Variants in CPA6 observed in about 807,000 individuals in gnomAD.
The protein encoded by CPA6 is carboxypeptidase A6, also known as carboxypeptidase B.
CPA6 carries 58 observed loss-of-function variants against 63.3 expected under a neutral mutation model. That is an observed-to-expected ratio of 0.92 (90% CI 0.74 to 1.14). CPA6 has a LOEUF of 1.14. Among genes scored for constraint, CPA6 ranks in the 50% most tolerant of loss-of-function variants. CPA6 has a pLI of 0.00. For missense variants in CPA6, 565 were observed against 526.6 expected, an observed-to-expected ratio of 1.07 and a Z score of -0.71; for synonymous variants, 185 against 179.0, an observed-to-expected ratio of 1.03 and a Z score of -0.27.
rs187492480 is a variant in CPA6, at chr8:67,699,508, C to T, written c.116+46506G>A. ...GCAAATAAATAAATAAATAAATAAA[C>T]AAACAAACAAACATTTACATGCAAT... On this transcript the variant is annotated intron_variant, in intron 1 of 10. Coordinates refer to ENST00000297770, the MANE Select transcript of CPA6 (RefSeq NM_020361.5). Among the ~76,000 whole-genome samples the T allele has an allele frequency of 1.0e-3, 155 of 151,446 alleles. 1 individual carries two copies. Among genetic ancestry groups the T allele is most frequent in the Non-Finnish European group, 1.8e-3 (119 of 67,880 alleles).
intron 2 of CPA6, among the ~76,000 whole-genome samples, chr8:67,616,974 T>C (rs1416849876): frequency 2.6e-5 from 4 of 152,320 alleles, no homozygotes; most frequent in Admixed American, 1.3e-4. Context: ...AACCTTCAGC[T>C]GTCCTCAGGA....
intron 1 of CPA6, among the ~76,000 whole-genome samples, chr8:67,704,151 C>T (rs1034476790): frequency 6.6e-6 from 1 of 152,190 alleles, no homozygotes; most frequent in Non-Finnish European, 1.5e-5. Flanking sequence ...ATTCCTCTTG[C>T]TTCTTCCCAC....
chr8:67,719,362 G>A (rs774320832), intron 1 of CPA6, among the ~76,000 whole-genome samples: 3 of 152,122 alleles, frequency 2.0e-5, no homozygotes, highest in Non-Finnish European at 4.4e-5. Context: ...AGGGAATGGG[G>A]TGTGGGCATG....
At chr8:67,608,561 T>C (rs1814726311) in intron 2 of CPA6, among the ~76,000 whole-genome samples, 2 of 152,150 alleles carry the variant, frequency 1.3e-5, no homozygotes, top group African/African-American at 4.8e-5. Flanking sequence ...CTGTGTGACC[T>C]GATTCTTCCT....
At chr8:67,612,937 G>A (rs1814848918) in intron 2 of CPA6, among the ~76,000 whole-genome samples, 1 of 152,192 alleles carries the variant, frequency 6.6e-6, no homozygotes, top group African/African-American at 2.4e-5. Context: ...GAGCACCTGA[G>A]CTCTGACTTT....
intron 2 of CPA6, among the ~76,000 whole-genome samples, chr8:67,599,096 T>C (rs1465989729): frequency 6.6e-6 from 1 of 152,210 alleles, no homozygotes; most frequent in African/African-American, 2.4e-5. Context: ...ATGGAATGAA[T>C]GACATGATGT....
chr8:67,693,042 G>A (rs1259060461), intron 1 of CPA6, among the ~76,000 whole-genome samples: 1 of 152,158 alleles, frequency 6.6e-6, no homozygotes, highest in South Asian at 2.1e-4. Context: ...GCCATCTGTA[G>A]CTATTGTACA....
At chr8:67,460,275 G>A (rs540858559) in intron 8 of CPA6, among the ~76,000 whole-genome samples, 1 of 152,272 alleles carries the variant, frequency 6.6e-6, no homozygotes, top group South Asian at 2.1e-4. Context: ...CTGCCCCACA[G>A]CAAGGTCCCT....
At chr8:67,581,639 T>C (rs1813774733) in intron 2 of CPA6, among the ~76,000 whole-genome samples, 2 of 152,166 alleles carry the variant, frequency 1.3e-5, no homozygotes, top group African/African-American at 2.4e-5. Flanking sequence ...GTAAGGATGA[T>C]AGAGAAATAC....
intron 2 of CPA6, among the ~76,000 whole-genome samples, chr8:67,538,045 A>G (rs1429997761): frequency 6.6e-6 from 1 of 152,138 alleles, no homozygotes; most frequent in Non-Finnish European, 1.5e-5. Context: ...CTGTGGTCTG[A>G]GAGACTGTTT....
At chr8:67,464,518 A>G (rs1355186688) in intron 8 of CPA6, among the ~76,000 whole-genome samples, 1 of 152,112 alleles carries the variant, frequency 6.6e-6, no homozygotes, top group Non-Finnish European at 1.5e-5. Flanking sequence ...AAGCTCTTTA[A>G]TCAGGTCCCA....
At chr8:67,427,519 G>C (rs1167540207) in intron 10 of CPA6, among the ~76,000 whole-genome samples, 3 of 152,076 alleles carry the variant, frequency 2.0e-5, no homozygotes, top group East Asian at 1.9e-4. Context: ...TGGGAGATGA[G>C]GGGGGGTTGG....
At chr8:67,470,496 G>A (rs1811033627) in intron 8 of CPA6, among the ~76,000 whole-genome samples, 1 of 152,076 alleles carries the variant, frequency 6.6e-6, no homozygotes, top group African/African-American at 2.4e-5. Context: ...TTTTGATTAT[G>A]AGGAGGCTGC....
intron 1 of CPA6, among the ~76,000 whole-genome samples, chr8:67,731,058 C>A (rs1268787898): frequency 6.6e-6 from 1 of 152,160 alleles, no homozygotes; most frequent in Non-Finnish European, 1.5e-5. Flanking sequence ...GTTTAGAATA[C>A]CTAATTTGGG....
At chr8:67,600,661 T>C (rs1381154206) in intron 2 of CPA6, among the ~76,000 whole-genome samples, 1 of 152,186 alleles carries the variant, frequency 6.6e-6, no homozygotes, top group Admixed American at 6.5e-5. Context: ...CATTTTCTCT[T>C]AGTAGCCAAG....
intron 1 of CPA6, among the ~76,000 whole-genome samples, chr8:67,740,762 G>T (rs1410436604): frequency 6.6e-6 from 1 of 152,020 alleles, no homozygotes; most frequent in Non-Finnish European, 1.5e-5. Context: ...TAGAAACAGG[G>T]TTTTGCCATG....
At chr8:67,488,167 A>C (rs1811524816) in intron 6 of CPA6, among the ~76,000 whole-genome samples, 1 of 152,178 alleles carries the variant, frequency 6.6e-6, no homozygotes, top group African/African-American at 2.4e-5. Context: ...GTTTTCTTCT[A>C]GGGTTTTTAT....
At chr8:67,630,441 AT>A (rs138763062) in intron 1 of CPA6, among the ~76,000 whole-genome samples, 6,709 of 150,836 alleles carry the variant, frequency 0.044, 181 homozygotes, top group South Asian at 0.11. Flanking sequence ...GTGGGAATTG[AT>A]TTTTTTTTTC....
intron 8 of CPA6, among the ~76,000 whole-genome samples, chr8:67,477,402 A>G (rs1811266830): frequency 6.6e-6 from 1 of 151,906 alleles, no homozygotes; most frequent in Admixed American, 6.6e-5. Context: ...ATATTAGGTA[A>G]TTTATATCTT....
Sources: allele counts gnomAD v4.1 joint callset (sites outside exome capture counted in the v4.1 genomes callset), GRCh38; gene constraint gnomAD v4.1.1; transcripts MANE v1.5; gene names NCBI Gene and HGNC (gene_info 2026-07-23, HGNC 2026-07-21).